Variants in DRAM1 observed in about 807,000 individuals in gnomAD.
The protein encoded by DRAM1 is DNA damage regulated autophagy modulator 1, also known as DNA damage-regulated autophagy modulator protein 1.
DRAM1 carries 25 observed loss-of-function variants against 28.5 expected under a neutral mutation model. The ratio of observed to expected loss-of-function variants is 0.88; its 90% CI spans 0.64 to 1.23. The LOEUF is 1.23. Ranked by LOEUF, DRAM1 falls within the 50% of genes most tolerant of loss-of-function variation. DRAM1 has a pLI of 0.00. For missense variants in DRAM1, 249 were observed against 299.2 expected (o/e 0.83, Z 1.24); for synonymous variants, 113 against 114.2 (o/e 0.99, Z 0.07).
At chr12:101,914,256 G>A in intron 5 of DRAM1, 24 bp downstream of exon 5, 1 of 1,591,454 alleles carries the variant, frequency 6.3e-7, no homozygotes, top group Non-Finnish European at 8.6e-7. Context: ...TGTTGTGAAT[G>A]TGGTTGTCGG....
intron 3 of DRAM1, among the ~76,000 whole-genome samples, chr12:101,905,684 A>G (rs1873774954): frequency 6.6e-6 from 1 of 152,064 alleles, no homozygotes; most frequent in Non-Finnish European, 1.5e-5. Context: ...TGGTCTCCCA[A>G]GCTCAAGTGA....
rs61325494 is a variant in DRAM1 at position 101,895,566 on chromosome 12, A to ATTTTTGGTTTTTTTTTTTT, written c.132-2292_132-2291insGGTTTTTTTTTTTTTTTTT. 8.7e-5 allele frequency among the ~76,000 whole-genome samples: 9 copies of ATTTTTGGTTTTTTTTTTTT among 103,410 alleles called. 1 individual carries two copies. The highest frequency in any genetic ancestry group is 2.4e-4 in the African/African-American group (6 of 25,008). The allele number at this position is 103,410 out of a possible 152,430, so 67.8% of individuals were successfully genotyped here. A position where few individuals can be genotyped will look rare whatever the true frequency, so the allele number is the denominator to read the frequency against. On this transcript the variant is annotated intron_variant, in intron 1 of 6. Transcript: ENST00000258534. ...AAAGGCATTTGCTGTAAGGGAGGCT[A>ATTTTTGGTTTTTTTTTTTT]TTTTTTTTTTTTTTTTTTTTTTGAG...
At chr12:101,901,623 C>G in intron 3 of DRAM1, 190 bp downstream of exon 3, 1 of 606,236 alleles carries the variant, frequency 1.6e-6, no homozygotes, top group Non-Finnish European at 2.8e-6. Context: ...TGGTGGCTCA[C>G]ACCTGTAATC....
At chr12:101,913,686 A>G (rs1874123363) in intron 4 of DRAM1, among the ~76,000 whole-genome samples, 1 of 144,518 alleles carries the variant, frequency 6.9e-6, no homozygotes, top group East Asian at 2.0e-4. Context: ...AGCCTGGGTG[A>G]CAGAGCGAGA....
intron 1 of DRAM1, among the ~76,000 whole-genome samples, chr12:101,888,619 C>T (rs940984508): frequency 6.6e-6 from 1 of 152,016 alleles, no homozygotes; most frequent in South Asian, 2.1e-4. Context: ...TATAATTTCT[C>T]CTCTGATTTG....
At chr12:101,889,329 T>G (rs1191511765) in intron 1 of DRAM1, among the ~76,000 whole-genome samples, 1 of 152,200 alleles carries the variant, frequency 6.6e-6, no homozygotes, top group Non-Finnish European at 1.5e-5. Context: ...GAAGAGTTCC[T>G]AAATTGTTTC....
At chr12:101,919,891 C>T (rs760879920) in intron 5 of DRAM1, 38 of 372,030 alleles carry the variant, frequency 1.0e-4, no homozygotes, top group South Asian at 2.2e-4. Context: ...AGAGTTTGTG[C>T]GAGCCAGAAA....
intron 5 of DRAM1, among the ~76,000 whole-genome samples, chr12:101,916,656 A>G (rs1874254857): frequency 6.6e-6 from 1 of 152,236 alleles, no homozygotes; most frequent in African/African-American, 2.4e-5. Flanking sequence ...AGTGAGAGAC[A>G]GAGGATTCTT....
intron 5 of DRAM1, among the ~76,000 whole-genome samples, chr12:101,918,793 G>A (rs993877176): frequency 4.6e-5 from 7 of 152,144 alleles, no homozygotes; most frequent in Non-Finnish European, 1.0e-4. Flanking sequence ...CATTTCAGCA[G>A]AGCAGAAAGT....
At chr12:101,878,367 G>T (rs1482135473) in intron 1 of DRAM1, among the ~76,000 whole-genome samples, 1 of 152,188 alleles carries the variant, frequency 6.6e-6, no homozygotes, top group African/African-American at 2.4e-5. Context: ...CCGCAAGCGA[G>T]CGGTGGTGTA....
chr12:101,894,683 A>G (rs1209486490), intron 1 of DRAM1, among the ~76,000 whole-genome samples: 1 of 152,212 alleles, frequency 6.6e-6, no homozygotes, highest in Non-Finnish European at 1.5e-5. Context: ...TCAATTTGCC[A>G]TCAATAGACA....
At chr12:101,885,109 T>G (rs957062492) in intron 1 of DRAM1, among the ~76,000 whole-genome samples, 1 of 152,152 alleles carries the variant, frequency 6.6e-6, no homozygotes, top group Non-Finnish European at 1.5e-5. Flanking sequence ...AATTTTGTAT[T>G]TTTAGTAGAC....
Position 101,923,172 on chromosome 12 carries a change from TC to T in DRAM1, c.*1917del, listed in dbSNP as rs1326712291. ...CTGCGACTCACTGTAGTGCTGGGGA[TC>T]CCCCTTGTAACACTGGAACTGAAAG... On this transcript the variant is annotated 3_prime_UTR_variant, in exon 7 of 7. Transcript: ENST00000258534. 3.3e-5 allele frequency: 5 copies of T among 152,162 alleles called. No homozygotes were observed. The highest frequency in any genetic ancestry group is 1.3e-4 in the Admixed American group (2 of 15,278). 9.4% of individuals were successfully genotyped at this position (152,162 alleles called of 1,614,324 possible). A position where few individuals can be genotyped will look rare whatever the true frequency, so the allele number is the denominator to read the frequency against.
At chr12:101,898,830 G>A (rs1019381553) in intron 2 of DRAM1, among the ~76,000 whole-genome samples, 1 of 152,322 alleles carries the variant, frequency 6.6e-6, no homozygotes, top group South Asian at 2.1e-4. Context: ...TTTCTTTTCA[G>A]TTCCTCAGAT....
At chr12:101,885,058 C>T (rs1365616735) in intron 1 of DRAM1, among the ~76,000 whole-genome samples, 3 of 151,920 alleles carry the variant, frequency 2.0e-5, no homozygotes, top group Non-Finnish European at 4.4e-5. Flanking sequence ...CTCATCCTCC[C>T]GAGTAGCTGT....
At chr12:101,899,613 A>G (rs1442269037) in intron 2 of DRAM1, among the ~76,000 whole-genome samples, 1 of 151,446 alleles carries the variant, frequency 6.6e-6, no homozygotes, top group Admixed American at 6.6e-5. Context: ...CAGGAGGTCA[A>G]GGCTGCAGTG....
intron 1 of DRAM1, among the ~76,000 whole-genome samples, chr12:101,881,195 G>A (rs569668104): frequency 2.0e-4 from 30 of 152,240 alleles, no homozygotes; most frequent in Admixed American, 1.8e-3. Context: ...CATGAGAATC[G>A]CTTGAACCAG....
intron 1 of DRAM1, among the ~76,000 whole-genome samples, chr12:101,891,130 T>G (rs1386364702): frequency 6.6e-6 from 1 of 152,218 alleles, no homozygotes; most frequent in Non-Finnish European, 1.5e-5. Flanking sequence ...GCTAATAAAA[T>G]GTAGTATGAC....
At chr12:101,896,395 G>T (rs934095870) in intron 1 of DRAM1, among the ~76,000 whole-genome samples, 24 of 152,234 alleles carry the variant, frequency 1.6e-4, no homozygotes, top group Non-Finnish European at 2.9e-4. Flanking sequence ...GTTTCATGTT[G>T]GGAGCTCTTT....
Sources: allele counts gnomAD v4.1 joint callset (sites outside exome capture counted in the v4.1 genomes callset), GRCh38; gene constraint gnomAD v4.1.1; transcripts MANE v1.5; gene names NCBI Gene and HGNC (gene_info 2026-07-23, HGNC 2026-07-21).